The following KANSL1 variants were observed in gnomAD, a reference collection of about 807,000 sequenced individuals.
KANSL1 encodes KAT8 regulatory NSL complex subunit 1, also known as MLL1/MLL complex subunit KANSL1.
KANSL1 carries 22 observed loss-of-function variants against 103.6 expected under a neutral mutation model. The ratio of observed to expected loss-of-function variants is 0.21; its 90% CI spans 0.15 to 0.30. The LOEUF (loss-of-function observed/expected upper bound fraction) is 0.30. Ranked by LOEUF, KANSL1 falls within the 10% of genes least tolerant of loss-of-function variation. KANSL1 has a pLI of 1.00. For missense variants in KANSL1, 1,337 were observed against 1,399.8 expected (o/e 0.96, Z 0.72); for synonymous variants, 600 against 527.6 (o/e 1.14, Z -1.88).
intron 2 of KANSL1, among the ~76,000 whole-genome samples, chr17:46,152,114 G>A (rs2045139947): frequency 1.3e-5 from 2 of 152,244 alleles, no homozygotes; most frequent in African/African-American, 2.4e-5. Flanking sequence ...GTCCTCAAAG[G>A]TACTTACAGT....
chr17:46,091,844 A>C (rs2079404107), intron 3 of KANSL1, among the ~76,000 whole-genome samples: 1 of 118,558 alleles, frequency 8.4e-6, no homozygotes, highest in South Asian at 2.3e-4. Context: ...TGAGACAGAG[A>C]CTCGCTCTGC....
intron 4 of KANSL1, among the ~76,000 whole-genome samples, chr17:46,078,080 T>C (rs1308862609): frequency 1.3e-5 from 2 of 152,218 alleles, no homozygotes; most frequent in Non-Finnish European, 2.9e-5. Context: ...TGTTGATTTT[T>C]GTTCTAGCAG....
Position 46,038,557 on chromosome 17 carries a change from T to C in KANSL1, c.2522A>G (p.Gln841Arg). 6.2e-7 allele frequency: 1 copy of C among 1,614,076 alleles called. No individual in the cohort carries two copies. The highest frequency in any genetic ancestry group is 1.7e-5 in the Admixed American group (1 of 60,008). Residue 841 changes from glutamine to arginine, a missense_variant, in exon 10 of 15, where the codon CAG (glutamine) becomes CGG (arginine). By Grantham distance (43) the Gln-to-Arg change is conservative (BLOSUM62 1). Transcript: ENST00000432791. The stretch of plus-strand genomic sequence containing the variant: ...ACTTACCGATGTGCTGGCTGTAACC[T>C]GTGAGCTAGAGCTGGCGGGTGCAGG... Reference protein sequence around the residue: ...DSPAPASSSSQVTASTSQQPV... With the variant: ...DSPAPASSSSRVTASTSQQPV...
At position 46,178,318 on chromosome 17, in the gene KANSL1, A is replaced by G. The variant is rs570435820; in HGVS notation, c.-89-6086T>C. Among the ~76,000 whole-genome samples, 37 of 152,382 alleles carry G rather than the reference A, an allele frequency of 2.4e-4. 1 individual carries two copies. The highest frequency in any genetic ancestry group is 3.4e-3 in the Middle Eastern group (1 of 294). On this transcript the variant is annotated intron_variant, in intron 1 of 14. Transcript: ENST00000432791. ...GATAAATCATCTTTCTCCAAAGAAT[A>G]CAAAGCCTTAAAAGCTATAATTAAC...
At position 46,172,163 on chromosome 17, in the gene KANSL1, A is replaced by T. The variant is rs2046322215; in HGVS notation, c.-20T>A. The T allele has an allele frequency of 6.3e-7, 1 of 1,595,840 alleles. No homozygotes were observed. Among genetic ancestry groups the T allele is most frequent in the Non-Finnish European group, 8.5e-7 (1 of 1,177,204 alleles). On this transcript the variant is annotated 5_prime_UTR_variant, in exon 2 of 15. Coordinates refer to ENST00000432791, the MANE Select transcript of KANSL1 (RefSeq NM_015443.4). ...AGCCATTCAGCACAGAGAGACAGGA[A>T]GTCCAGCCTCTCCCGATGCCGAGGC...
intron 1 of KANSL1, among the ~76,000 whole-genome samples, chr17:46,178,126 T>C (rs2046616369): frequency 6.6e-6 from 1 of 152,022 alleles, no homozygotes; most frequent in Non-Finnish European, 1.5e-5. Context: ...ATGATTCCTA[T>C]CCCACTTGAC....
upstream of KANSL1, among the ~76,000 whole-genome samples, chr17:46,195,646 C>A (rs1244672194): frequency 1.3e-5 from 2 of 152,246 alleles, no homozygotes; most frequent in Non-Finnish European, 2.9e-5. Context: ...ACTGCAGCCT[C>A]CCAGGCTCAG....
intron 1 of KANSL1, among the ~76,000 whole-genome samples, chr17:46,175,206 G>A (rs1034758264): frequency 3.9e-5 from 6 of 152,064 alleles, no homozygotes; most frequent in African/African-American, 9.7e-5. Context: ...CTTCTTTATA[G>A]TATGACAATT....
At position 46,171,095 on chromosome 17, in the gene KANSL1, G is replaced by C. The variant is rs932987742; in HGVS notation, c.1049C>G (p.Ala350Gly). 4.3e-6 allele frequency: 7 copies of C among 1,614,152 alleles called. No homozygotes were observed. The highest frequency in any genetic ancestry group is 4.2e-6 in the Non-Finnish European group (5 of 1,180,044). Residue 350 changes from alanine to glycine, a missense_variant, in exon 2 of 15, where the codon GCT (alanine) becomes GGT (glycine). Around this residue, in one of 2 missense-constraint regions of KANSL1, gnomAD observed 557 missense variants for 476.4 expected, o/e 1.17. Transcript: ENST00000432791. ...PRSQLMLTRK[A>G]EAALRKAASE... ...GGCAGCTTTTCTCAAGGCAGCTTCA[G>C]CCTTTCGAGTCAGCATCAACTGGCT...
chr17:46,074,763 C>CTAAATAAATAAATAAA (rs71138522), intron 4 of KANSL1, among the ~76,000 whole-genome samples: 3 of 142,556 alleles, frequency 2.1e-5, no homozygotes, highest in Non-Finnish European at 4.5e-5. Context: ...GACCCTATCT[C>CTAAATAAATAAATAAA]TAAATAAATA....
At chr17:46,101,538 T>C (rs1224617288) in intron 2 of KANSL1, among the ~76,000 whole-genome samples, 7 of 152,018 alleles carry the variant, frequency 4.6e-5, no homozygotes, top group Non-Finnish European at 8.8e-5. Context: ...GATCACAAGA[T>C]AAGGAGTCTG....
At chr17:46,122,818 C>T (rs952046006) in intron 2 of KANSL1, among the ~76,000 whole-genome samples, 4 of 152,180 alleles carry the variant, frequency 2.6e-5, no homozygotes, top group African/African-American at 7.2e-5. Flanking sequence ...GGAGGTACCA[C>T]GAACCGCACC....
At chr17:46,178,205 G>T (rs1297316437) in intron 1 of KANSL1, among the ~76,000 whole-genome samples, 2 of 152,042 alleles carry the variant, frequency 1.3e-5, no homozygotes, top group Admixed American at 1.3e-4. Context: ...AATTTAAGCA[G>T]TTCTTAGAGA....
chr17:46,130,282 C>CG lies in KANSL1; in HGVS notation c.1290-35582dup, dbSNP rs1196405379. 6.0e-5 allele frequency among the ~76,000 whole-genome samples: 9 copies of CG among 150,824 alleles called. No homozygotes were observed. In the East Asian group the frequency reaches 1.4e-3, roughly 23 times the overall value. On this transcript the variant is annotated intron_variant, in intron 2 of 14. Transcript: ENST00000432791. ...CAGATAAATTAAATCAAAATTTAAT[C>CG]GGGGGTGGGTCCTGGGATTTTCCCT...
intron 2 of KANSL1, among the ~76,000 whole-genome samples, chr17:46,109,393 G>A (rs2042707397): frequency 1.3e-5 from 2 of 152,140 alleles, no homozygotes; most frequent in Admixed American, 1.3e-4. Flanking sequence ...CTTACTAACA[G>A]AATCGTGAAT....
At position 46,192,676 on chromosome 17, in the gene KANSL1, A is replaced by G. The variant is rs1205720908; in HGVS notation, c.-90+147T>C. On this transcript the variant is annotated intron_variant, in intron 1 of 14. Coordinates refer to ENST00000432791, the MANE Select transcript of KANSL1 (RefSeq NM_015443.4). ...CGCAGCAGGGAAGCCCGGAGAGGCC[A>G]TTTAAAGTTCCGGGGGATTTTTCTA... The G allele has an allele frequency of 2.6e-5, 4 of 153,298 alleles. No individual in the cohort carries two copies. The Admixed American group carries it at 2.6e-4, about 10-fold the overall frequency. The allele number at this position is 153,298 out of a possible 1,614,324, so 9.5% of individuals were successfully genotyped here.
At chr17:46,200,756 T>C (rs1043081088) in intron 1 of KANSL1, among the ~76,000 whole-genome samples, 10 of 151,824 alleles carry the variant, frequency 6.6e-5, no homozygotes, top group Non-Finnish European at 1.5e-4. Context: ...TATATATATA[T>C]ATATATTTTT....
At chr17:46,129,686 A>G (rs948718822) in intron 2 of KANSL1, among the ~76,000 whole-genome samples, 1 of 152,230 alleles carries the variant, frequency 6.6e-6, no homozygotes, top group Non-Finnish European at 1.5e-5. Context: ...CACTTTAAAA[A>G]TAATTCAAAG....
At chr17:46,067,718 T>C in intron 4 of KANSL1, 51 bp from the exon 5 acceptor site, 1 of 925,826 alleles carries the variant, frequency 1.1e-6, no homozygotes, top group Non-Finnish European at 1.8e-6. Context: ...AGCGCACCCC[T>C]GCCTGAAAAG....
Sources: allele counts gnomAD v4.1 joint callset (sites outside exome capture counted in the v4.1 genomes callset), GRCh38; gene constraint gnomAD v4.1.1; regional missense constraint gnomAD v4.1.1; transcripts MANE v1.5; gene names NCBI Gene and HGNC (gene_info 2026-07-23, HGNC 2026-07-21).